Variants in RXRA observed in about 807,000 individuals in gnomAD.
RXRA encodes retinoic acid receptor RXR-alpha.
Under a neutral mutation model 44.5 loss-of-function variants are expected in RXRA, and 5 were observed. The observed-to-expected ratio is 0.11, with a 90% CI of 0.06 to 0.24. The LOEUF (loss-of-function observed/expected upper bound fraction) is 0.24, where lower values mean the gene tolerates loss of function less well. Ranked by LOEUF, RXRA falls within the 10% of genes least tolerant of loss-of-function variation. RXRA has a pLI of 1.00. For synonymous variants in RXRA, 291 were observed against 271.4 expected (o/e 1.07, Z -0.71); for missense variants, 412 against 646.5 (o/e 0.64, Z 3.93).
Position 134,342,601 on chromosome 9 carries a change from G to A in RXRA, c.28+15942G>A, listed in dbSNP as rs1258486309. ...GCAAGCTGTGGGCAAGGGACTGCTT[G>A]GGAGCTGCTGTGAGCCCAGGCAGGT... On this transcript the variant is annotated intron_variant, in intron 1 of 9. Coordinates refer to ENST00000481739, the MANE Select transcript of RXRA (RefSeq NM_002957.6). This position sits in a 1 kb window ranked among gnomAD's most constrained non-coding sequence, Gnocchi z 4.4. Among the ~76,000 whole-genome samples the A allele has an allele frequency of 6.6e-6, 1 of 152,180 alleles. No homozygotes were observed. The highest frequency in any genetic ancestry group is 2.4e-5 in the African/African-American group (1 of 41,450).
chr9:134,335,276 C>T (rs1554747149), intron 1 of RXRA, among the ~76,000 whole-genome samples: 1 of 152,174 alleles, frequency 6.6e-6, no homozygotes, highest in Non-Finnish European at 1.5e-5. Flanking sequence ...GCAAATTCAC[C>T]TCACTAGGCC....
chr9:134,425,436 C>T (rs1831415830), intron 6 of RXRA: 1 of 984,946 alleles, frequency 1.0e-6, no homozygotes. Flanking sequence ...AACCTCCTTC[C>T]CACCTGCCCC....
At chr9:134,367,250 C>T (rs1222476355) in intron 1 of RXRA, among the ~76,000 whole-genome samples, 4 of 152,150 alleles carry the variant, frequency 2.6e-5, no homozygotes, top group Non-Finnish European at 2.9e-5. Flanking sequence ...TGTGGATCTG[C>T]CTGGTCTGGC....
Position 134,425,844 on chromosome 9 carries a change from G to T in RXRA, c.911-3264G>T, listed in dbSNP as rs1293762750. 4.1e-6 allele frequency: 4 copies of T among 985,158 alleles called. No homozygotes were observed. In the African/African-American group the frequency reaches 7.0e-5, roughly 17 times the overall value. 61.0% of individuals were successfully genotyped at this position (985,158 alleles called of 1,614,324 possible). A position where few individuals can be genotyped will look rare whatever the true frequency, so the allele number is the denominator to read the frequency against. ...GGCCCTGCCCTGCCTTGTGAGTGTG[G>T]ACTCATTTAACTCTCCAGACCACCA... On this transcript the variant is annotated intron_variant, in intron 6 of 9. Transcript: ENST00000481739.
chr9:134,372,063 T>G (rs984769544), intron 1 of RXRA: 2 of 151,560 alleles, frequency 1.3e-5, no homozygotes, highest in African/African-American at 4.9e-5. Flanking sequence ...CTCGAGGGAG[T>G]GACGTCAAGG....
chr9:134,358,504 C>T (rs1830311027), intron 1 of RXRA, among the ~76,000 whole-genome samples: 1 of 152,174 alleles, frequency 6.6e-6, no homozygotes, highest in Admixed American at 6.5e-5. Flanking sequence ...CCTGTGCAGT[C>T]CTCAGAGGCC....
intron 1 of RXRA, among the ~76,000 whole-genome samples, chr9:134,341,370 G>C (rs1266011876): frequency 2.0e-5 from 3 of 152,178 alleles, no homozygotes; most frequent in Non-Finnish European, 2.9e-5. Context: ...TGGAGTCCTG[G>C]GGGCTGCTAG....
chr9:134,395,974 C>T (rs1441421377), intron 1 of RXRA, among the ~76,000 whole-genome samples: 1 of 152,210 alleles, frequency 6.6e-6, no homozygotes. Flanking sequence ...GGTGACAGGC[C>T]CGAGTCTTTG....
intron 1 of RXRA, among the ~76,000 whole-genome samples, chr9:134,339,857 G>A (rs1182008419): frequency 6.7e-6 from 1 of 148,842 alleles, no homozygotes; most frequent in Non-Finnish European, 1.5e-5. Context: ...GTGAGCCCAT[G>A]TGTGTGTGTC....
rs529920790 is a variant in RXRA at position 134,429,151 on chromosome 9, C to T, written c.954C>T (p.Ile318=). Residue 318 remains isoleucine (I), a synonymous_variant, in exon 7 of 10, where the codon ATC becomes ATT. Coordinates refer to ENST00000481739, the MANE Select transcript of RXRA (RefSeq NM_002957.6). ...TCGCCTCCTTCTCCCACCGCTCCAT[C>T]GCCGTGAAGGACGGGATCCTCCTGG... is the stretch of plus-strand genomic sequence containing the variant. ...LLIASFSHRS[I]AVKDGILLAT... The T allele has an allele frequency of 7.4e-6, 12 of 1,613,098 alleles. No homozygotes were observed. The African/African-American group carries it at 8.0e-5, about 11-fold the overall frequency.
At chr9:134,345,467 G>A (rs1554748657) in intron 1 of RXRA, among the ~76,000 whole-genome samples, 1 of 152,218 alleles carries the variant, frequency 6.6e-6, no homozygotes, top group East Asian at 1.9e-4. Flanking sequence ...TTTGGGGTTG[G>A]AGAAGCCTCA....
chr9:134,373,154 G>T (rs1830510607), intron 1 of RXRA, among the ~76,000 whole-genome samples: 1 of 152,204 alleles, frequency 6.6e-6, no homozygotes. Flanking sequence ...CCACAGAGCT[G>T]GGGGTGGTCA....
rs1377550663 is a variant in RXRA, at chr9:134,407,443, A to G, written c.280-706A>G. On this transcript the variant is annotated intron_variant, in intron 2 of 9. Transcript: ENST00000481739. This position sits in a 1 kb window ranked among gnomAD's most constrained non-coding sequence, Gnocchi z 4.8. ...TGCAGAGCTGGGTGGAGGCAGCGGAACCAAAACTGCTGTGTCACTGCACGC... is the reference window on the plus strand; with the variant it reads ...TGCAGAGCTGGGTGGAGGCAGCGGAGCCAAAACTGCTGTGTCACTGCACGC... Among the ~76,000 whole-genome samples the G allele has an allele frequency of 6.6e-6, 1 of 152,178 alleles. No homozygotes were observed. The highest frequency in any genetic ancestry group is 1.5e-5 in the Non-Finnish European group (1 of 68,024).
chr9:134,356,397 C>T (rs1158137186), intron 1 of RXRA, among the ~76,000 whole-genome samples: 1 of 152,122 alleles, frequency 6.6e-6, no homozygotes, highest in East Asian at 1.9e-4. Context: ...CGGGAACACA[C>T]CTGGGATGGC....
intron 6 of RXRA, chr9:134,425,839 G>T: frequency 1.0e-6 from 1 of 985,346 alleles, no homozygotes; most frequent in Non-Finnish European, 1.2e-6. Flanking sequence ...TGCCTTGTGA[G>T]TGTGGACTCA....
In RXRA at chr9:134,426,599, T is replaced by A; in HGVS notation, c.911-2509T>A. ...GCCGCACCTCGGCTCAGCAGCGCCT[T>A]CTGACCCCAGCCGTGCACTAGGCCC... On this transcript the variant is annotated intron_variant, in intron 6 of 9. Coordinates refer to ENST00000481739, the MANE Select transcript of RXRA (RefSeq NM_002957.6). The surrounding 1 kb of genome is among the most constrained non-coding windows in gnomAD (Gnocchi z 4.6). 1.0e-6 allele frequency: 1 copy of A among 985,392 alleles called. No homozygotes were observed. Among genetic ancestry groups the A allele is most frequent in the Non-Finnish European group, 1.2e-6 (1 of 829,920 alleles). The allele number at this position is 985,392 out of a possible 1,614,324, so 61.0% of individuals were successfully genotyped here. A position where few individuals can be genotyped will look rare whatever the true frequency, so the allele number is the denominator to read the frequency against.
At chr9:134,363,625 G>T (rs1344983119) in intron 1 of RXRA, among the ~76,000 whole-genome samples, 2 of 152,256 alleles carry the variant, frequency 1.3e-5, no homozygotes, top group Non-Finnish European at 2.9e-5. Flanking sequence ...GCAGCTTTGG[G>T]CAGGACGGGC....
chr9:134,344,751 G>A (rs1830129888), intron 1 of RXRA, among the ~76,000 whole-genome samples: 1 of 152,226 alleles, frequency 6.6e-6, no homozygotes, highest in Admixed American at 6.5e-5. Flanking sequence ...ATACCCCTTA[G>A]CAACCAGCTT....
intron 1 of RXRA, among the ~76,000 whole-genome samples, chr9:134,351,618 G>A (rs1223658962): frequency 2.0e-5 from 3 of 152,242 alleles, no homozygotes; most frequent in East Asian, 1.9e-4. Context: ...GGAGGGTGCC[G>A]GCTCCGTTTC....
Sources: allele counts gnomAD v4.1 joint callset (sites outside exome capture counted in the v4.1 genomes callset), GRCh38; gene constraint gnomAD v4.1.1; non-coding constraint Gnocchi (gnomAD v3.1); transcripts MANE v1.5; gene names NCBI Gene and HGNC (gene_info 2026-07-23, HGNC 2026-07-21).